The following CHODL variants were observed in gnomAD, a reference collection of about 807,000 sequenced individuals.
CHODL encodes the protein transmembrane protein MT75.
In CHODL, 29 loss-of-function variants were observed where a neutral mutation model predicts 34.5. The observed-to-expected ratio is 0.84, with a 90% CI of 0.63 to 1.15. The LOEUF is 1.15. Ranked by LOEUF, CHODL falls within the 50% of genes most tolerant of loss-of-function variation. The pLI, the probability that CHODL is intolerant of heterozygous loss-of-function variation, is 0.00. For synonymous variants in CHODL, 125 were observed against 116.1 expected (o/e 1.08, Z -0.49); for missense variants, 332 against 332.5 (o/e 1.00, Z 0.01).
chr21:18,087,695 A>G (rs1232825428), intron 2 of CHODL, among the ~76,000 whole-genome samples: 15 of 152,126 alleles, frequency 9.9e-5, no homozygotes, highest in Non-Finnish European at 4.4e-5. Flanking sequence ...CCAGGTAAGC[A>G]GTGTGGGAAG....
At chr21:18,067,607 A>G (rs1000729931) in intron 2 of CHODL, among the ~76,000 whole-genome samples, 1 of 152,246 alleles carries the variant, frequency 6.6e-6, no homozygotes, top group Admixed American at 6.5e-5. Context: ...TCGTTAGACT[A>G]TGAAACAATC....
chr21:17,992,343 A>C (rs2063803905), intron 1 of CHODL, among the ~76,000 whole-genome samples: 1 of 152,124 alleles, frequency 6.6e-6, no homozygotes, highest in Non-Finnish European at 1.5e-5. Flanking sequence ...ATTTCTATGA[A>C]GACTATCATT....
intron 2 of CHODL, among the ~76,000 whole-genome samples, chr21:18,053,356 G>C (rs1436208393): frequency 6.6e-6 from 1 of 151,902 alleles, no homozygotes; most frequent in African/African-American, 2.4e-5. Flanking sequence ...TGCTGATGTA[G>C]CATTCTGCAT....
intron 1 of CHODL, among the ~76,000 whole-genome samples, chr21:18,250,907 T>C (rs2074228282): frequency 6.6e-6 from 1 of 151,872 alleles, no homozygotes; most frequent in Non-Finnish European, 1.5e-5. Flanking sequence ...GAATTTGTAA[T>C]ATGTCTTTTA....
At chr21:17,979,839 A>G (rs966042490) in intron 1 of CHODL, among the ~76,000 whole-genome samples, 1 of 152,178 alleles carries the variant, frequency 6.6e-6, no homozygotes. Flanking sequence ...CCTTTATGCC[A>G]TGTTTCCTAA....
intron 1 of CHODL, among the ~76,000 whole-genome samples, chr21:17,919,733 AT>A (rs2063169411): frequency 1.3e-5 from 2 of 151,918 alleles, no homozygotes; most frequent in African/African-American, 4.8e-5. Flanking sequence ...AGAAAATGGG[AT>A]TTTCTTTTCT....
intron 2 of CHODL, among the ~76,000 whole-genome samples, chr21:18,054,735 G>T (rs1281957638): frequency 6.6e-6 from 1 of 151,758 alleles, no homozygotes; most frequent in Non-Finnish European, 1.5e-5. Flanking sequence ...TGAGATGCTG[G>T]ATATATTAAT....
At chr21:17,964,349 T>TCA (rs143331966) in intron 1 of CHODL, among the ~76,000 whole-genome samples, 12 of 151,892 alleles carry the variant, frequency 7.9e-5, no homozygotes, top group African/African-American at 1.9e-4. Flanking sequence ...AAGCACACAG[T>TCA]CACACACACA....
chr21:18,076,121 C>A (rs1369924676), intron 2 of CHODL, among the ~76,000 whole-genome samples: 1 of 152,108 alleles, frequency 6.6e-6, no homozygotes, highest in Admixed American at 6.6e-5. Context: ...GAACTGGTAC[C>A]AAGAAGTGGG....
chr21:18,031,012 G>C (rs2064241321), intron 2 of CHODL, among the ~76,000 whole-genome samples: 3 of 152,168 alleles, frequency 2.0e-5, no homozygotes, highest in African/African-American at 7.2e-5. Context: ...TGAAGCCATA[G>C]GGCTGAGTCA....
At chr21:17,938,569 C>T (rs1199262023) in intron 1 of CHODL, among the ~76,000 whole-genome samples, 1 of 149,124 alleles carries the variant, frequency 6.7e-6, no homozygotes, top group Non-Finnish European at 1.5e-5. Context: ...AGCTCCGCCT[C>T]CCGGGTTCGC....
At chr21:17,921,935 A>AT (rs1427509509) in intron 1 of CHODL, among the ~76,000 whole-genome samples, 2 of 152,124 alleles carry the variant, frequency 1.3e-5, no homozygotes, top group Non-Finnish European at 2.9e-5. Context: ...CCAAATTTCT[A>AT]TTTTTTCCAA....
At chr21:18,170,372 G>A (rs1411746989) in intron 2 of CHODL, among the ~76,000 whole-genome samples, 1 of 151,978 alleles carries the variant, frequency 6.6e-6, no homozygotes, top group African/African-American at 2.4e-5. Context: ...GCTAGTCTGT[G>A]TGTTGATTGG....
chr21:18,055,832 G>A (rs113535857), intron 2 of CHODL, among the ~76,000 whole-genome samples: 477 of 152,122 alleles, frequency 3.1e-3, no homozygotes, highest in Middle Eastern at 0.01. Context: ...ATGTTCATAA[G>A]AATTCAAGTA....
chr21:18,082,806 A>G (rs1259694493), intron 2 of CHODL, among the ~76,000 whole-genome samples: 1 of 152,142 alleles, frequency 6.6e-6, no homozygotes, highest in Non-Finnish European at 1.5e-5. Flanking sequence ...GCTGCTCCTA[A>G]CAGTGTACAG....
chr21:18,041,429 A>T (rs2064374676), intron 2 of CHODL, among the ~76,000 whole-genome samples: 1 of 151,800 alleles, frequency 6.6e-6, no homozygotes, highest in African/African-American at 2.4e-5. Context: ...TTCAACAAAC[A>T]ATAGCTATTT....
At chr21:18,242,088 T>C (rs1367794385), upstream of CHODL, among the ~76,000 whole-genome samples, 1 of 152,128 alleles carries the variant, frequency 6.6e-6, no homozygotes, top group Non-Finnish European at 1.5e-5. Flanking sequence ...TGAGCTGACC[T>C]GGAGCCCAGC....
At chr21:18,115,431 A>G (rs576920946) in intron 2 of CHODL, among the ~76,000 whole-genome samples, 1 of 152,288 alleles carries the variant, frequency 6.6e-6, no homozygotes, top group East Asian at 1.9e-4. Flanking sequence ...GCTATGGCAG[A>G]CTTATTCTGT....
upstream of CHODL, among the ~76,000 whole-genome samples, chr21:18,242,262 G>A (rs558857291): frequency 6.2e-4 from 94 of 152,206 alleles, 1 homozygote; most frequent in South Asian, 0.018. Flanking sequence ...TGTCTTCTAT[G>A]ACACCTTATG....
Sources: gnomAD v4.1 joint callset for allele counts (sites outside exome capture counted in the v4.1 genomes callset) on GRCh38, gnomAD v4.1.1 for gene constraint, MANE v1.5 for transcripts, NCBI Gene and HGNC (gene_info 2026-07-23, HGNC 2026-07-21) for gene names.